Variants in TSPYL2 observed in about 807,000 individuals in gnomAD.
The protein encoded by TSPYL2 is TSPY like 2.
TSPYL2 carries 9 observed loss-of-function variants against 33.0 expected under a neutral mutation model. The observed-to-expected ratio is 0.27, with a 90% CI of 0.16 to 0.48. The LOEUF (loss-of-function observed/expected upper bound fraction) is 0.48, where lower values mean the gene tolerates loss of function less well. Among genes scored for constraint, TSPYL2 ranks in the 20% least tolerant of loss-of-function variants. The probability of loss-of-function intolerance (pLI) is 0.99; values close to 1 mark genes in which losing one functional copy is unlikely to be tolerated. For missense variants in TSPYL2, 636 were observed against 586.2 expected (o/e 1.08, Z -0.88); for synonymous variants, 330 against 233.6 (o/e 1.41, Z -3.77).
Position 53,082,457 on chromosome X carries a change from G to A in TSPYL2, c.-42G>A. ...CGGCAGCGACGCGGCTAAAAGCGAA[G>A]GGGCGAGTGCGAGTCCCCTGAGCTG... On this transcript the variant is annotated 5_prime_UTR_variant, in exon 1 of 7. Transcript: ENST00000375442. The A allele has an allele frequency of 9.1e-7, 1 of 1,098,998 alleles. No individual in the cohort carries two copies. Among genetic ancestry groups the A allele is most frequent in the African/African-American group, 1.9e-5 (1 of 52,600 alleles). 90.6% of individuals were successfully genotyped at this position (1,098,998 alleles called of 1,213,427 possible).
rs782210338 is a variant in TSPYL2, at chrX:53,084,768, G to A, written c.899G>A (p.Arg300Lys). 3.3e-6 allele frequency: 4 copies of A among 1,207,599 alleles called. No homozygotes were observed. The African/African-American group carries it at 5.3e-5, about 16-fold the overall frequency. Residue 300 changes from arginine to lysine, a missense_variant, in exon 3 of 7, where the codon AGA becomes AAA. Physicochemically the swap from Arg to Lys is conservative, Grantham distance 26. Coordinates refer to ENST00000375442, the MANE Select transcript of TSPYL2 (RefSeq NM_022117.4). ...CACCTGGAGCAGGTACAGGATCTCAGACATATCTCCATGGGCTACAAAATG... is the reference window on the plus strand; with the variant it reads ...CACCTGGAGCAGGTACAGGATCTCAAACATATCTCCATGGGCTACAAAATG... ...YLTNLQVQDL[R>K]HISMGYKMKL...
Position 53,084,628 on chromosome X carries a change from G to A in TSPYL2, c.885+6G>A, listed in dbSNP as rs199951613. ...GCTACTTGACCAATCTGCAGGTCAG[G>A]CCAGAGAGACATTTTTTAGTAGGAT... On this transcript the variant is annotated splice_donor_region_variant and intron_variant, in intron 2 of 6. Transcript: ENST00000375442. The A allele has an allele frequency of 8.9e-3, 10,698 of 1,204,804 alleles. 41 individuals are homozygous for A. The highest frequency in any genetic ancestry group is 0.01 in the Non-Finnish European group (9,295 of 892,359).
chrX:53,084,764 C>T lies in TSPYL2; in HGVS notation c.895C>T (p.Leu299Phe). The T allele has an allele frequency of 8.3e-7, 1 of 1,209,462 alleles. No homozygotes were observed. The highest frequency in any genetic ancestry group is 1.1e-6 in the Non-Finnish European group (1 of 893,964). Reference protein sequence around the residue: ...RYLTNLQVQDLRHISMGYKMK... With the variant: ...RYLTNLQVQDFRHISMGYKMK... ...CCCCCACCTGGAGCAGGTACAGGAT[C>T]TCAGACATATCTCCATGGGCTACAA... The change falls in exon 3 of 7, where the codon CTC becomes TTC. Residue 299 changes from leucine (L) to phenylalanine (F), a missense_variant. Around this residue, in one of 3 missense-constraint regions of TSPYL2, gnomAD observed 401 missense variants for 363.0 expected, o/e 1.10. Coordinates refer to ENST00000375442, the MANE Select transcript of TSPYL2 (RefSeq NM_022117.4).
Position 53,087,954 on chromosome X carries a change from T to A in TSPYL2, c.*15T>A. On this transcript the variant is annotated 3_prime_UTR_variant, in exon 7 of 7. Coordinates refer to ENST00000375442, the MANE Select transcript of TSPYL2 (RefSeq NM_022117.4). ...AAACCGGATAAGGGTTTTCCCCTTT[T>A]GGGGATCACCTCTCTGTATCCCCCA... The A allele has an allele frequency of 8.3e-7, 1 of 1,206,686 alleles. No homozygotes were observed. Among genetic ancestry groups the A allele is most frequent in the Non-Finnish European group, 1.1e-6 (1 of 891,955 alleles).
intron 6 of TSPYL2, chrX:53,087,539 C>G: frequency 2.5e-6 from 1 of 402,322 alleles, no homozygotes; most frequent in Non-Finnish European, 4.4e-6. Context: ...TCAGTTTTGA[C>G]AGAGGCAGGG....
In TSPYL2 at chrX:53,088,157, C is replaced by G; in HGVS notation, c.*218C>G. On this transcript the variant is annotated 3_prime_UTR_variant, in exon 7 of 7. Coordinates refer to ENST00000375442, the MANE Select transcript of TSPYL2 (RefSeq NM_022117.4). ...AGTCCCCTTCTTTTGGCCCTCCGCC[C>G]CCGCAGGCTTCTGTGTGCTGCTAAC... The G allele has an allele frequency of 2.4e-6, 1 of 415,598 alleles. No individual in the cohort carries two copies. Among genetic ancestry groups the G allele is most frequent in the Non-Finnish European group, 4.2e-6 (1 of 239,149 alleles). 34.2% of individuals were successfully genotyped at this position (415,598 alleles called of 1,213,427 possible).
intron 1 of TSPYL2, among the ~76,000 whole-genome samples, chrX:53,084,171 C>T (rs1192050042): frequency 8.9e-6 from 1 of 112,031 alleles, no homozygotes; most frequent in African/African-American, 3.2e-5. Context: ...GCCATTCACA[C>T]ATCATGTGGA....
At position 53,087,906 on chromosome X, in the gene TSPYL2, G is replaced by A; in HGVS notation, c.2049G>A (p.Trp683Ter). The change falls in exon 7 of 7, where the codon TGG (tryptophan) becomes TGA (stop). Residue 683 changes from tryptophan (W) to a stop codon, truncating the protein, a stop_gained. Coordinates refer to ENST00000375442, the MANE Select transcript of TSPYL2 (RefSeq NM_022117.4). LOFTEE classifies it high-confidence loss of function. ...ATGTGCTTCAGGTCCCAAACGGTTG[G>A]GCCAATCCGGGGAAGAGGGGGAAAA... Reference protein sequence around the residue: ...LEDVLQVPNGWANPGKRGKTG With the variant: ...LEDVLQVPNG 8.3e-7 allele frequency: 1 copy of A among 1,211,574 alleles called. No homozygotes were observed. The highest frequency in any genetic ancestry group is 1.1e-6 in the Non-Finnish European group (1 of 895,471).
intron 6 of TSPYL2, 198 bp from the exon 7 acceptor site, chrX:53,087,578 A>G (rs1932785046): frequency 4.6e-6 from 2 of 430,717 alleles, no homozygotes. Context: ...GCCTCCCTCC[A>G]TCTCCCTCTC....
Position 53,087,770 on chromosome X carries a change from A to T in TSPYL2, c.1919-6A>T, listed in dbSNP as rs371692039. ...ATTTCCCCTTCCTTGCTTCTCCCCT[A>T]TGCAGGCATCCAGCAAGATGAGGAC... On this transcript the variant is annotated splice_polypyrimidine_tract_variant and splice_region_variant and intron_variant, in intron 6 of 6. Coordinates refer to ENST00000375442, the MANE Select transcript of TSPYL2 (RefSeq NM_022117.4). 24 of 1,202,635 alleles carry T rather than the reference A, an allele frequency of 2.0e-5. No homozygotes were observed. In the African/African-American group the frequency reaches 3.9e-4, roughly 19 times the overall value.
chrX:53,083,391 T>TGGA (rs1932676380), intron 1 of TSPYL2, 86 bp downstream of exon 1: 1 of 924,843 alleles, frequency 1.1e-6, no homozygotes, highest in East Asian at 3.3e-5. Context: ...GTAAAGCGGG[T>TGGA]GGAGGAGAGC....
chrX:53,082,909 G>A lies in TSPYL2; in HGVS notation c.411G>A (p.Ser137=), dbSNP rs782285550. The change falls in exon 1 of 7, where the codon TCG becomes TCA. Residue 137 remains serine (S), a synonymous_variant. Coordinates refer to ENST00000375442, the MANE Select transcript of TSPYL2 (RefSeq NM_022117.4). ...AAATCGATTTTCAGGTTGTACAGTC[G>A]AGCAGTTTTGGTGGAGAGGGGGCCC... ...SLEIDFQVVQ[S]SSFGGEGALE... is the part of the protein sequence containing the mutation. The A allele has an allele frequency of 8.3e-7, 1 of 1,210,898 alleles. No individual in the cohort carries two copies. Among genetic ancestry groups the A allele is most frequent in the Non-Finnish European group, 1.1e-6 (1 of 895,289 alleles).
In TSPYL2 at chrX:53,086,291, A is replaced by AG. The variant is rs782592879; in HGVS notation, c.1900dup (p.Glu634GlyfsTer5). 1 of 1,209,081 alleles carries AG rather than the reference A, an allele frequency of 8.3e-7. No individual in the cohort carries two copies. Among genetic ancestry groups the AG allele is most frequent in the Non-Finnish European group, 1.1e-6 (1 of 894,707 alleles). ...AGATCATCTCAGACGAATCAGTGGA[A>AG]GAAGAGGGCATTGAGGAAGGTGAGC... On this transcript the variant is annotated frameshift_variant, in exon 6 of 7. Coordinates refer to ENST00000375442, the MANE Select transcript of TSPYL2 (RefSeq NM_022117.4). LOFTEE classifies it low-confidence loss of function (END_TRUNC).
chrX:53,084,429 C>T, intron 1 of TSPYL2, 116 bp from the exon 2 acceptor site: 1 of 629,698 alleles, frequency 1.6e-6, no homozygotes, highest in Non-Finnish European at 2.5e-6. Flanking sequence ...ATACACACCA[C>T]ATAAGCACAG....
chrX:53,083,060 AGGCGGC>A lies in TSPYL2; in HGVS notation c.574_579del (p.Arg194_Arg195del), dbSNP rs781796529. 33 of 1,201,666 alleles carry A rather than the reference AGGCGGC, an allele frequency of 2.7e-5. No individual in the cohort carries two copies. Among genetic ancestry groups the A allele is most frequent in the African/African-American group, 5.3e-5 (3 of 56,477 alleles). On this transcript the variant is annotated inframe_deletion, in exon 1 of 7. Transcript: ENST00000375442. Reference sequence around the variant, plus strand: ...GCGGGAGAGTATGAGGAGCAGCAGGAGGCGGCGGCGGCGGCGGAGGAGGAAGCAGAG... The same window carrying A: ...GCGGGAGAGTATGAGGAGCAGCAGGAGGCGGCGGCGGAGGAGGAAGCAGAG...
Position 53,088,163 on chromosome X carries a change from G to A in TSPYL2, c.*224G>A, listed in dbSNP as rs1455955196. On this transcript the variant is annotated 3_prime_UTR_variant, in exon 7 of 7. Transcript: ENST00000375442. ...CTTCTTTTGGCCCTCCGCCCCCGCA[G>A]GCTTCTGTGTGCTGCTAACTGTATT... 7.3e-6 allele frequency: 3 copies of A among 412,415 alleles called. No homozygotes were observed. Among genetic ancestry groups the A allele is most frequent in the African/African-American group, 5.0e-5 (2 of 40,275 alleles). 34.0% of individuals were successfully genotyped at this position (412,415 alleles called of 1,213,427 possible). A position where few individuals can be genotyped will look rare whatever the true frequency, so the allele number is the denominator to read the frequency against.
rs781817389 is a variant in TSPYL2 at position 53,086,307 on chromosome X, G to A, written c.1915G>A (p.Glu639Lys). ...ATCAGTGGAAGAAGAGGGCATTGAGGAAGGTGAGCTAATCCCCCCCCACCC... is the reference window on the plus strand; with the variant it reads ...ATCAGTGGAAGAAGAGGGCATTGAGAAAGGTGAGCTAATCCCCCCCCACCC... ...DESVEEEGIEEGIQQDEDIYE... is the reference protein window; with the variant it reads ...DESVEEEGIEKGIQQDEDIYE... The change falls in exon 6 of 7, where the codon GAA becomes AAA. Residue 639 changes from glutamate (E) to lysine (K), a missense_variant. Glu to Lys is a moderately conservative substitution (Grantham distance 56). Transcript: ENST00000375442. 1 of 1,192,145 alleles carries A rather than the reference G, an allele frequency of 8.4e-7. No individual in the cohort carries two copies. Among genetic ancestry groups the A allele is most frequent in the East Asian group, 3.0e-5 (1 of 33,505 alleles).
chrX:53,087,849 A>G lies in TSPYL2; in HGVS notation c.1992A>G (p.Glu664=), dbSNP rs1556809180. 1 of 1,210,329 alleles carries G rather than the reference A, an allele frequency of 8.3e-7. No homozygotes were observed. Among genetic ancestry groups the G allele is most frequent in the African/African-American group, 1.7e-5 (1 of 57,369 alleles). Residue 664 remains glutamate, a synonymous_variant, in exon 7 of 7, where the codon GAA becomes GAG. Coordinates refer to ENST00000375442, the MANE Select transcript of TSPYL2 (RefSeq NM_022117.4). The stretch of plus-strand genomic sequence containing the variant: ...AAGGAAGTGAAGATGTCTGGGAAGA[A>G]GGGGAAGATTCGGACGACTCTGACC... ...EEEGSEDVWE[E]GEDSDDSDLE... is the part of the protein sequence containing the mutation.
chrX:53,082,550 T>G lies in TSPYL2; in HGVS notation c.52T>G (p.Ser18Ala), dbSNP rs183642206. 1.7e-6 allele frequency: 2 copies of G among 1,156,353 alleles called. No homozygotes were observed. The highest frequency in any genetic ancestry group is 6.5e-5 in the East Asian group (2 of 30,620). The change falls in exon 1 of 7, where the codon TCC becomes GCC. Residue 18 changes from serine to alanine, a missense_variant. Physicochemically the swap from Ser to Ala is moderately conservative, Grantham distance 99. Around this residue, in one of 3 missense-constraint regions of TSPYL2, gnomAD observed 231 missense variants for 201.6 expected, o/e 1.15. Coordinates refer to ENST00000375442, the MANE Select transcript of TSPYL2 (RefSeq NM_022117.4). ...PPAKTRRLSS[S>A]ESPQRDPPPP... Reference sequence around the variant, plus strand: ...GGCCAAGACCCGCCGCCTGAGCAGCTCCGAGTCTCCACAGCGCGACCCGCC... The same window carrying G: ...GGCCAAGACCCGCCGCCTGAGCAGCGCCGAGTCTCCACAGCGCGACCCGCC...
Sources: allele counts gnomAD v4.1 joint callset (sites outside exome capture counted in the v4.1 genomes callset), GRCh38; gene constraint gnomAD v4.1.1; regional missense constraint gnomAD v4.1.1; transcripts MANE v1.5; gene names NCBI Gene and HGNC (gene_info 2026-07-23, HGNC 2026-07-21).